The following FRAS1 variants were observed in gnomAD, a reference collection of about 807,000 sequenced individuals.
The protein encoded by FRAS1 is extracellular matrix organizing protein FRAS1.
A neutral mutation model predicts 435.2 loss-of-function variants in FRAS1; 290 were observed. That is an observed-to-expected ratio of 0.67 (90% CI 0.61 to 0.73). FRAS1 has a LOEUF of 0.73. FRAS1 is among the 30% of genes least tolerant of loss of function. The probability of loss-of-function intolerance (pLI) is 0.00; values close to 1 mark genes in which losing one functional copy is unlikely to be tolerated. For synonymous variants in FRAS1, 1,800 were observed against 1,851.0 expected (o/e 0.97, Z 0.71); for missense variants, 4,860 against 5,001.5 (o/e 0.97, Z 0.85).
chr4:78,365,932 T>C (rs1281309306), intron 22 of FRAS1, among the ~76,000 whole-genome samples: 4 of 148,686 alleles, frequency 2.7e-5, no homozygotes, highest in Non-Finnish European at 4.4e-5. Context: ...GCCATTGCAC[T>C]CCAGCCTGGG....
At chr4:78,241,047 G>C (rs1027748379) in intron 3 of FRAS1, among the ~76,000 whole-genome samples, 13 of 152,262 alleles carry the variant, frequency 8.5e-5, no homozygotes, top group East Asian at 1.9e-4. Context: ...TCAATGGAGT[G>C]GGGGGAGCGG....
chr4:78,460,874 G>A (rs78072723), intron 47 of FRAS1, among the ~76,000 whole-genome samples: 1 of 152,140 alleles, frequency 6.6e-6, no homozygotes, highest in African/African-American at 2.4e-5. Flanking sequence ...ATTATGTGAC[G>A]CATGACTGTA....
intron 69 of FRAS1, 27 bp from the exon 70 acceptor site, chr4:78,526,514 A>C (rs950740664): frequency 6.8e-7 from 1 of 1,470,540 alleles, no homozygotes; most frequent in Non-Finnish European, 9.3e-7. Flanking sequence ...GTTCCCTACG[A>C]TCACAGTCTG....
intron 6 of FRAS1, among the ~76,000 whole-genome samples, chr4:78,257,474 T>G (rs1228809753): frequency 6.6e-6 from 1 of 152,208 alleles, no homozygotes; most frequent in African/African-American, 2.4e-5. Flanking sequence ...ACAAATGTAT[T>G]TTCAGGTCTT....
intron 2 of FRAS1, among the ~76,000 whole-genome samples, chr4:78,093,691 G>A (rs1247666125): frequency 2.0e-5 from 3 of 152,036 alleles, no homozygotes; most frequent in Non-Finnish European, 4.4e-5. Context: ...AACTTTTCTA[G>A]CAGAAAAAGA....
At chr4:78,531,498 T>G (rs1203061146) in intron 70 of FRAS1, among the ~76,000 whole-genome samples, 1 of 152,208 alleles carries the variant, frequency 6.6e-6, no homozygotes, top group Non-Finnish European at 1.5e-5. Context: ...GCTCTTATTA[T>G]TTTGAGATAT....
At chr4:78,088,522 C>A (rs954909744) in intron 2 of FRAS1, among the ~76,000 whole-genome samples, 1 of 152,042 alleles carries the variant, frequency 6.6e-6, no homozygotes, top group East Asian at 1.9e-4. Flanking sequence ...TTTTTGCCAC[C>A]TACTCATCTG....
chr4:78,252,894 T>C (rs1578208069), intron 5 of FRAS1, among the ~76,000 whole-genome samples: 1 of 152,270 alleles, frequency 6.6e-6, no homozygotes, highest in East Asian at 1.9e-4. Context: ...TTAGAATTAC[T>C]GATGAGGGTC....
chr4:78,129,219 G>T (rs1719555958), intron 2 of FRAS1, among the ~76,000 whole-genome samples: 1 of 152,168 alleles, frequency 6.6e-6, no homozygotes, highest in Non-Finnish European at 1.5e-5. Context: ...TTTGGCTTAG[G>T]ATTGACTTGG....
intron 9 of FRAS1, among the ~76,000 whole-genome samples, chr4:78,277,118 C>T (rs910122408): frequency 1.3e-5 from 2 of 152,194 alleles, no homozygotes; most frequent in Non-Finnish European, 2.9e-5. Context: ...CCGAGCCAGG[C>T]GTGGGATATA....
intron 35 of FRAS1, among the ~76,000 whole-genome samples, chr4:78,425,472 G>A (rs1393018806): frequency 6.6e-6 from 1 of 152,148 alleles, no homozygotes; most frequent in Non-Finnish European, 1.5e-5. Flanking sequence ...TTGCTGTTTA[G>A]ATGGGATTGA....
chr4:78,100,590 G>A (rs952199875), intron 2 of FRAS1, among the ~76,000 whole-genome samples: 16 of 152,254 alleles, frequency 1.1e-4, no homozygotes, highest in African/African-American at 2.4e-4. Context: ...CCCATGCAGC[G>A]GCACAGGCCT....
At chr4:78,408,636 A>G (rs1733195836) in intron 31 of FRAS1, among the ~76,000 whole-genome samples, 1 of 152,204 alleles carries the variant, frequency 6.6e-6, no homozygotes, top group Admixed American at 6.5e-5. Flanking sequence ...TTACTTGAGA[A>G]AAACTTCTGT....
At chr4:78,306,289 C>G (rs1056381299) in intron 14 of FRAS1, among the ~76,000 whole-genome samples, 8 of 150,740 alleles carry the variant, frequency 5.3e-5, no homozygotes, top group Non-Finnish European at 1.0e-4. Context: ...TCTGGCTGCC[C>G]TTAACATTTT....
rs778179029 is a variant in FRAS1 at position 78,066,023 on chromosome 4, C to T, written c.108+7C>T. The T allele has an allele frequency of 1.3e-6, 2 of 1,592,302 alleles. No individual in the cohort carries two copies. The highest frequency in any genetic ancestry group is 1.7e-6 in the Non-Finnish European group (2 of 1,161,442). Reference sequence around the variant, plus strand: ...TCAGGATTCCTTGTTGGCGGTAGGTCATTCTTTACATACTTGGTTTCTGTC... The same window carrying T: ...TCAGGATTCCTTGTTGGCGGTAGGTTATTCTTTACATACTTGGTTTCTGTC... On this transcript the variant is annotated splice_region_variant and intron_variant, in intron 2 of 73. Transcript: ENST00000512123.
At chr4:78,451,079 A>G (rs1200608636) in intron 45 of FRAS1, among the ~76,000 whole-genome samples, 1 of 151,682 alleles carries the variant, frequency 6.6e-6, no homozygotes, top group Non-Finnish European at 1.5e-5. Flanking sequence ...GGAGTGGAAG[A>G]GGCAAAAGGA....
chr4:78,426,445 C>G (rs917574479), intron 35 of FRAS1, among the ~76,000 whole-genome samples: 16 of 152,008 alleles, frequency 1.1e-4, no homozygotes, highest in African/African-American at 3.9e-4. Flanking sequence ...AAGAAAAACC[C>G]TTGGTATCTA....
At chr4:78,148,415 A>G in intron 2 of FRAS1, among the ~76,000 whole-genome samples, 1 of 152,206 alleles carries the variant, frequency 6.6e-6, no homozygotes, top group Non-Finnish European at 1.5e-5. Context: ...ACTCAACATA[A>G]CATTACAACA....
intron 20 of FRAS1, among the ~76,000 whole-genome samples, chr4:78,357,661 G>A (rs577670537): frequency 2.0e-5 from 3 of 152,170 alleles, no homozygotes; most frequent in South Asian, 4.2e-4. Flanking sequence ...CATCACTTTG[G>A]GAAACCAAGG....
Sources: gnomAD v4.1 joint callset for allele counts (sites outside exome capture counted in the v4.1 genomes callset) on GRCh38, gnomAD v4.1.1 for gene constraint, MANE v1.5 for transcripts, NCBI Gene and HGNC (gene_info 2026-07-23, HGNC 2026-07-21) for gene names.